The following PDE4B variants were observed in gnomAD, a reference collection of about 807,000 sequenced individuals.
The protein encoded by PDE4B is phosphodiesterase 4B, also known as 3',5'-cyclic-AMP phosphodiesterase 4B.
Under a neutral mutation model 82.2 loss-of-function variants are expected in PDE4B, and 20 were observed. That is an observed-to-expected ratio of 0.24 (90% CI 0.17 to 0.35). The LOEUF (loss-of-function observed/expected upper bound fraction) is 0.35. Ranked by LOEUF, PDE4B falls within the 10% of genes least tolerant of loss-of-function variation. The pLI is 1.00. For synonymous variants in PDE4B, 320 were observed against 318.9 expected (o/e 1.00, Z -0.04); for missense variants, 655 against 907.2 (o/e 0.72, Z 3.57).
intron 3 of PDE4B, among the ~76,000 whole-genome samples, chr1:66,035,946 A>G (rs1290905801): frequency 2.0e-5 from 3 of 152,134 alleles, no homozygotes; most frequent in Non-Finnish European, 4.4e-5. Context: ...GGCTGTACTA[A>G]TTTACAGTAG....
At chr1:65,916,356 AG>A (rs1372034280) in intron 2 of PDE4B, among the ~76,000 whole-genome samples, 3 of 152,320 alleles carry the variant, frequency 2.0e-5, no homozygotes, top group African/African-American at 7.2e-5. Context: ...AGTGCCAAAT[AG>A]TACCCATTTA....
At chr1:66,257,252 G>C in intron 4 of PDE4B, 1 of 266,952 alleles carries the variant, frequency 3.7e-6, no homozygotes, top group Non-Finnish European at 7.5e-6. Context: ...TATCCAGACT[G>C]TTATACCAGT....
rs550749267 is a variant in PDE4B, at chr1:66,329,839, CT to C, written c.635-2662del. Among the ~76,000 whole-genome samples the C allele has an allele frequency of 3.9e-5, 6 of 152,274 alleles. No individual in the cohort carries two copies. The South Asian group carries it at 1.2e-3, about 32-fold the overall frequency. On this transcript the variant is annotated intron_variant, in intron 7 of 16. Transcript: ENST00000341517. Reference sequence around the variant, plus strand: ...CATGATTCTCACTCCAAATCTGGTGCTTTTTTTCACAGTGCTACAGATGGAC... The same window carrying C: ...CATGATTCTCACTCCAAATCTGGTGCTTTTTTCACAGTGCTACAGATGGAC...
chr1:66,160,270 T>G (rs1282555645), intron 3 of PDE4B, among the ~76,000 whole-genome samples: 2 of 152,236 alleles, frequency 1.3e-5, no homozygotes, highest in African/African-American at 4.8e-5. Flanking sequence ...CCTTTCTGTC[T>G]TCTTTGAGGT....
intron 3 of PDE4B, among the ~76,000 whole-genome samples, chr1:66,218,874 A>G (rs892062161): frequency 1.4e-4 from 22 of 152,182 alleles, no homozygotes; most frequent in Admixed American, 4.6e-4. Context: ...AGCTGTAGCT[A>G]TCTTTAAAAA....
At chr1:66,360,949 AG>A (rs755132048) in intron 9 of PDE4B, among the ~76,000 whole-genome samples, 5 of 152,244 alleles carry the variant, frequency 3.3e-5, no homozygotes, top group Non-Finnish European at 5.9e-5. Context: ...ATTTATTGGT[AG>A]AATTAATAGA....
In PDE4B at chr1:66,067,559, T is replaced by G. The variant is rs574970403; in HGVS notation, c.281+148724T>G. On this transcript the variant is annotated intron_variant, in intron 3 of 16. Transcript: ENST00000341517. ...TGTTTGATTTTTTCTTGTAAATTTG[T>G]TTGAGTTCATTGTAGATTCTGGATA... Among the ~76,000 whole-genome samples, 24 of 152,254 alleles carry G rather than the reference T, an allele frequency of 1.6e-4. 1 individual carries two copies. The East Asian group carries it at 4.4e-3, about 28-fold the overall frequency.
chr1:66,288,579 C>A (rs1458554721), intron 7 of PDE4B, among the ~76,000 whole-genome samples: 1 of 152,004 alleles, frequency 6.6e-6, no homozygotes, highest in African/African-American at 2.4e-5. Context: ...GAAGTTTGAC[C>A]CCCATTTCCT....
chr1:66,164,765 T>C (rs1646693777), intron 3 of PDE4B, among the ~76,000 whole-genome samples: 1 of 137,264 alleles, frequency 7.3e-6, no homozygotes, highest in Non-Finnish European at 1.6e-5. Flanking sequence ...CTTTTTTTTT[T>C]TTTTTTTTTG....
At chr1:66,047,248 A>T (rs1374887838) in intron 3 of PDE4B, among the ~76,000 whole-genome samples, 1 of 151,748 alleles carries the variant, frequency 6.6e-6, no homozygotes, top group Admixed American at 6.6e-5. Flanking sequence ...CTTACTGGTT[A>T]TATTCTACTT....
intron 7 of PDE4B, among the ~76,000 whole-genome samples, chr1:66,317,853 C>T (rs961839025): frequency 4.6e-5 from 7 of 152,256 alleles, no homozygotes; most frequent in South Asian, 2.1e-4. Context: ...GCCGTGATCA[C>T]GCCATTGTGC....
intron 3 of PDE4B, among the ~76,000 whole-genome samples, chr1:66,142,327 TA>T (rs1169857527): frequency 6.6e-6 from 1 of 152,168 alleles, no homozygotes; most frequent in Non-Finnish European, 1.5e-5. Context: ...ACAGTAGTGC[TA>T]AAAGATTTAA....
chr1:65,946,788 C>G (rs1375660180), intron 3 of PDE4B, among the ~76,000 whole-genome samples: 1 of 151,956 alleles, frequency 6.6e-6, no homozygotes, highest in East Asian at 1.9e-4. Context: ...GGGCTCCTCT[C>G]AAAAGTTACA....
intron 3 of PDE4B, among the ~76,000 whole-genome samples, chr1:65,925,463 C>G (rs1370372178): frequency 1.3e-5 from 2 of 152,108 alleles, no homozygotes; most frequent in Admixed American, 1.3e-4. Flanking sequence ...AAACCAGGAA[C>G]AAAATCAAGA....
chr1:65,832,899 AGTC>A (rs2101303113), intron 1 of PDE4B, among the ~76,000 whole-genome samples: 1 of 152,334 alleles, frequency 6.6e-6, no homozygotes, highest in African/African-American at 2.4e-5. Flanking sequence ...AGATTATAAT[AGTC>A]ATTAGTGTTG....
intron 3 of PDE4B, chr1:66,046,350 C>T (rs1348383289): frequency 6.6e-6 from 1 of 151,708 alleles, no homozygotes; most frequent in Non-Finnish European, 1.5e-5. Flanking sequence ...AGGTTACACA[C>T]TTTAATAAAA....
chr1:65,891,920 G>A (rs1034838695), intron 1 of PDE4B, among the ~76,000 whole-genome samples: 1 of 152,044 alleles, frequency 6.6e-6, no homozygotes, highest in African/African-American at 2.4e-5. Flanking sequence ...TACTGCCCGA[G>A]ATGATCCATG....
chr1:66,049,934 A>G (rs1226891243), intron 3 of PDE4B, among the ~76,000 whole-genome samples: 3 of 152,106 alleles, frequency 2.0e-5, no homozygotes, highest in Non-Finnish European at 4.4e-5. Flanking sequence ...ACTGCTAGGA[A>G]TTAAAGTAGT....
intron 1 of PDE4B, among the ~76,000 whole-genome samples, chr1:65,861,028 C>T (rs1264787191): frequency 6.6e-6 from 1 of 152,124 alleles, no homozygotes; most frequent in Non-Finnish European, 1.5e-5. Flanking sequence ...GTTTCTTTTG[C>T]TGTGCAGAAG....
Sources: allele counts gnomAD v4.1 joint callset (sites outside exome capture counted in the v4.1 genomes callset), GRCh38; gene constraint gnomAD v4.1.1; transcripts MANE v1.5; gene names NCBI Gene and HGNC (gene_info 2026-07-23, HGNC 2026-07-21).